ARPP21: variants seen among roughly 807,000 people sequenced by gnomAD.
ARPP21 encodes cAMP regulated phosphoprotein 21.
In ARPP21, 69 loss-of-function variants were observed where a neutral mutation model predicts 113.2. The observed-to-expected ratio is 0.61, with a 90% CI of 0.50 to 0.74. The LOEUF (loss-of-function observed/expected upper bound fraction) is 0.74, where lower values mean the gene tolerates loss of function less well. Among genes scored for constraint, ARPP21 ranks in the 30% least tolerant of loss-of-function variants. The pLI is 0.00. For synonymous variants in ARPP21, 368 were observed against 375.5 expected (o/e 0.98, Z 0.23); for missense variants, 1,070 against 1,037.4 (o/e 1.03, Z -0.43).
chr3:35,656,906 A>C, intron 1 of ARPP21, among the ~76,000 whole-genome samples: 1 of 152,254 alleles, frequency 6.6e-6, no homozygotes, highest in Middle Eastern at 3.4e-3. Flanking sequence ...GTATCAATTT[A>C]TATAAATAAA....
Position 35,695,276 on chromosome 3 carries a change from C to T in ARPP21, c.686+4271C>T, listed in dbSNP as rs376525128. ...ATACATTCCAGGTTTCTGTAAATTA[C>T]CTGATAAGAGCAGAGATGTTATGTT... On this transcript the variant is annotated intron_variant, in intron 9 of 20. Coordinates refer to ENST00000684406, the MANE Select transcript of ARPP21 (RefSeq NM_001385562.1). 3.3e-5 allele frequency among the ~76,000 whole-genome samples: 5 copies of T among 151,632 alleles called. No individual in the cohort carries two copies. The South Asian group carries it at 1.0e-3, about 31-fold the overall frequency.
intron 10 of ARPP21, chr3:35,707,627 TC>T (rs2089657658): frequency 2.3e-6 from 1 of 435,410 alleles, no homozygotes; most frequent in Admixed American, 2.4e-5. Context: ...TTATCCCCTC[TC>T]CTTCCCATGT....
At chr3:35,719,030 TA>T (rs1277760817) in intron 13 of ARPP21, among the ~76,000 whole-genome samples, 7 of 66,646 alleles carry the variant, frequency 1.1e-4, no homozygotes, top group Non-Finnish European at 2.3e-4. Flanking sequence ...AAATTCTAGT[TA>T]CTTACAAGAG....
intron 15 of ARPP21, among the ~76,000 whole-genome samples, chr3:35,735,305 G>A (rs927045403): frequency 5.3e-5 from 8 of 152,008 alleles, no homozygotes; most frequent in African/African-American, 1.9e-4. Context: ...TAGAGACAGA[G>A]TTTTGCCCGG....
At chr3:35,787,990 C>T (rs1192688269) in intron 19 of ARPP21, among the ~76,000 whole-genome samples, 2 of 152,122 alleles carry the variant, frequency 1.3e-5, no homozygotes, top group Non-Finnish European at 2.9e-5. Flanking sequence ...TATTGACTGC[C>T]TCCTAAGATT....
In ARPP21 at chr3:35,730,240, A is replaced by T. The variant is rs73059260; in HGVS notation, c.1459+704A>T. ...GTCAGTTGACTTCCACATTGATTTC[A>T]AAAGACTGAGGGCACTGAGATTCTA... On this transcript the variant is annotated intron_variant, in intron 15 of 20. Coordinates refer to ENST00000684406, the MANE Select transcript of ARPP21 (RefSeq NM_001385562.1). Among the ~76,000 whole-genome samples, 410 of 152,306 alleles carry T rather than the reference A, an allele frequency of 2.7e-3. 6 individuals carry two copies. The East Asian group carries it at 0.05, about 18-fold the overall frequency.
intron 1 of ARPP21, among the ~76,000 whole-genome samples, chr3:35,647,438 T>C (rs1419807185): frequency 1.3e-5 from 2 of 152,108 alleles, no homozygotes; most frequent in Admixed American, 1.3e-4. Context: ...AGAGGTTGTA[T>C]ACCAAAGGTA....
At chr3:35,683,264 A>T (rs1422497542) in intron 4 of ARPP21, among the ~76,000 whole-genome samples, 1 of 151,678 alleles carries the variant, frequency 6.6e-6, no homozygotes. Flanking sequence ...TTTTAAATAA[A>T]ATTTAGAGTA....
intron 9 of ARPP21, among the ~76,000 whole-genome samples, chr3:35,700,054 A>G (rs2085704518): frequency 6.6e-6 from 1 of 151,866 alleles, no homozygotes; most frequent in South Asian, 2.1e-4. Context: ...TATGAACGGT[A>G]TAACCATAGT....
chr3:35,647,469 G>C (rs992029978), intron 1 of ARPP21, among the ~76,000 whole-genome samples: 1 of 152,122 alleles, frequency 6.6e-6, no homozygotes, highest in Admixed American at 6.6e-5. Flanking sequence ...TTATCTGAGA[G>C]GGAGCAGGTA....
Position 35,747,153 on chromosome 3 carries a change from C to G in ARPP21, c.2137+3188C>G, listed in dbSNP as rs562045653. On this transcript the variant is annotated intron_variant, in intron 19 of 20. Coordinates refer to ENST00000684406, the MANE Select transcript of ARPP21 (RefSeq NM_001385562.1). ...ATCACCTGAGGTCAGGAGCTCGAGA[C>G]CAGCCTGACCAACAGGGTGAAACCC... is the stretch of plus-strand genomic sequence containing the variant. Among the ~76,000 whole-genome samples the G allele has an allele frequency of 3.3e-5, 5 of 152,166 alleles. No homozygotes were observed. The South Asian group carries it at 1.0e-3, about 32-fold the overall frequency.
chr3:35,685,607 T>G (rs1192180512), intron 5 of ARPP21: 5 of 985,244 alleles, frequency 5.1e-6, no homozygotes, highest in African/African-American at 1.7e-5. Context: ...TCACAGTATT[T>G]GGAAAACTGC....
At position 35,794,130 on chromosome 3, in the gene ARPP21, G is replaced by A. The variant is rs62259493; in HGVS notation, c.*172G>A. On this transcript the variant is annotated 3_prime_UTR_variant, in exon 21 of 21. Coordinates refer to ENST00000684406, the MANE Select transcript of ARPP21 (RefSeq NM_001385562.1). Reference sequence around the variant, plus strand: ...TAATATACACGTTAGCTGGTTAATGGTGCATATTTCTGTCATGTCTGCTAG... The same window carrying A: ...TAATATACACGTTAGCTGGTTAATGATGCATATTTCTGTCATGTCTGCTAG... 22 of 642,654 alleles carry A rather than the reference G, an allele frequency of 3.4e-5. No homozygotes were observed. The Admixed American group carries it at 5.4e-4, about 16-fold the overall frequency. The allele number at this position is 642,654 out of a possible 1,614,324, so 39.8% of individuals were successfully genotyped here. A position where few individuals can be genotyped will look rare whatever the true frequency, so the allele number is the denominator to read the frequency against.
At chr3:35,784,737 C>T (rs778145875) in intron 19 of ARPP21, 1 of 151,966 alleles carries the variant, frequency 6.6e-6, no homozygotes, top group East Asian at 1.9e-4. Context: ...AGTCTGGAAT[C>T]GAAGAAGTTA....
At chr3:35,766,966 A>C (rs1468525066) in intron 19 of ARPP21, among the ~76,000 whole-genome samples, 1 of 152,174 alleles carries the variant, frequency 6.6e-6, no homozygotes, top group African/African-American at 2.4e-5. Flanking sequence ...AGCAATTACT[A>C]TAATGGTGTG....
chr3:35,678,524 C>T (rs2078082308), intron 1 of ARPP21, among the ~76,000 whole-genome samples: 1 of 151,848 alleles, frequency 6.6e-6, no homozygotes, highest in Admixed American at 6.6e-5. Context: ...TTCCTAAATG[C>T]ATGTCTAGCT....
chr3:35,685,800 C>G, intron 5 of ARPP21: 1 of 848,016 alleles, frequency 1.2e-6, no homozygotes, highest in Non-Finnish European at 1.4e-6. Flanking sequence ...ATAAACTTAT[C>G]CTGTACCAAT....
chr3:35,785,738 A>G (rs2096618695), intron 19 of ARPP21, among the ~76,000 whole-genome samples: 1 of 152,172 alleles, frequency 6.6e-6, no homozygotes, highest in Non-Finnish European at 1.5e-5. Flanking sequence ...TGAGCAAAAG[A>G]GGAAGTACGA....
chr3:35,771,923 T>C (rs1309555835), intron 19 of ARPP21, among the ~76,000 whole-genome samples: 2 of 152,228 alleles, frequency 1.3e-5, no homozygotes, highest in Non-Finnish European at 2.9e-5. Flanking sequence ...GTTTTTTGTT[T>C]GTTTATTCTT....
Sources: gnomAD v4.1 joint callset for allele counts (sites outside exome capture counted in the v4.1 genomes callset) on GRCh38, gnomAD v4.1.1 for gene constraint, MANE v1.5 for transcripts, NCBI Gene and HGNC (gene_info 2026-07-23, HGNC 2026-07-21) for gene names.